The following RAB38 variants were observed in gnomAD, a reference collection of about 807,000 sequenced individuals.
RAB38 encodes the protein ras-related protein Rab-38.
Under a neutral mutation model 18.4 loss-of-function variants are expected in RAB38, and 15 were observed. The ratio of observed to expected loss-of-function variants is 0.82; its 90% confidence interval spans 0.55 to 1.26. The LOEUF (loss-of-function observed/expected upper bound fraction) is 1.26, where lower values mean the gene tolerates loss of function less well. Among genes scored for constraint, RAB38 ranks in the 50% most tolerant of loss-of-function variants. The probability of loss-of-function intolerance (pLI) is 0.00; values close to 1 mark genes in which losing one functional copy is unlikely to be tolerated. For missense variants in RAB38, 294 were observed against 267.4 expected, an observed-to-expected ratio of 1.10 and a Z score of -0.69; for synonymous variants, 101 against 104.4, an observed-to-expected ratio of 0.97 and a Z score of 0.20.
At chr11:87,842,811 C>G in the RAB38 span, among the ~76,000 whole-genome samples, 32 of 62,184 alleles carry the variant, frequency 5.1e-4, no homozygotes, top group South Asian at 0.018. Context: ...CACACACACG[C>G]GCGCGCACAC....
At chr11:88,050,620 G>T in the RAB38 span, among the ~76,000 whole-genome samples, 1 of 152,200 alleles carries the variant, frequency 6.6e-6, no homozygotes, top group Non-Finnish European at 1.5e-5. Flanking sequence ...TGACAGAATT[G>T]CTTTTTGAAA....
the RAB38 span, among the ~76,000 whole-genome samples, chr11:87,975,771 G>A: frequency 1.3e-5 from 2 of 151,528 alleles, no homozygotes; most frequent in African/African-American, 2.4e-5. Flanking sequence ...TAAAAATGTA[G>A]TAAGAGGTAT....
chr11:88,045,228 G>C, the RAB38 span, among the ~76,000 whole-genome samples: 2 of 152,016 alleles, frequency 1.3e-5, no homozygotes, highest in African/African-American at 4.8e-5. Context: ...ATTAAATAAA[G>C]CTCCAAAAAT....
At chr11:88,009,446 C>T in the RAB38 span, among the ~76,000 whole-genome samples, 1 of 152,168 alleles carries the variant, frequency 6.6e-6, no homozygotes, top group East Asian at 1.9e-4. Context: ...AGATAATCCT[C>T]AGGAGGATTC....
At chr11:88,112,593 G>C (rs191322527), downstream of RAB38, among the ~76,000 whole-genome samples, 96 of 152,238 alleles carry the variant, frequency 6.3e-4, 1 homozygote, top group African/African-American at 2.1e-3. Flanking sequence ...GCAGGATCCT[G>C]ATAAACCTCG....
the RAB38 span, among the ~76,000 whole-genome samples, chr11:87,872,483 G>A: frequency 7.3e-5 from 11 of 151,446 alleles, no homozygotes; most frequent in African/African-American, 2.2e-4. Context: ...GTTTACATTA[G>A]CGTTCACTCT....
At chr11:87,958,407 TAAGGAGATCCAAGC>T in the RAB38 span, among the ~76,000 whole-genome samples, 3 of 152,176 alleles carry the variant, frequency 2.0e-5, no homozygotes, top group African/African-American at 7.2e-5. Flanking sequence ...GCTCTGCTCT[TAAGGAGATCCAAGC>T]TAAGAAAGTC....
At chr11:87,831,976 A>G in the RAB38 span, among the ~76,000 whole-genome samples, 5 of 152,334 alleles carry the variant, frequency 3.3e-5, no homozygotes, top group Admixed American at 6.5e-5. Flanking sequence ...AATGTCTACT[A>G]TGTGCCAAAG....
chr11:88,044,169 A>G, the RAB38 span, among the ~76,000 whole-genome samples: 1 of 152,110 alleles, frequency 6.6e-6, no homozygotes, highest in Non-Finnish European at 1.5e-5. Context: ...GTGTTTAATC[A>G]TTGCAGGGAC....
chr11:88,055,735 T>G, the RAB38 span, among the ~76,000 whole-genome samples: 3 of 152,090 alleles, frequency 2.0e-5, no homozygotes, highest in African/African-American at 7.2e-5. Context: ...GTAAAAACCA[T>G]GCAGCTACCC....
At chr11:88,138,689 G>C (rs1942864281) in intron 2 of RAB38, among the ~76,000 whole-genome samples, 1 of 151,954 alleles carries the variant, frequency 6.6e-6, no homozygotes, top group Admixed American at 6.6e-5. Flanking sequence ...TATTTCATAA[G>C]GGTTTGTGAG....
At chr11:87,840,475 G>A in the RAB38 span, among the ~76,000 whole-genome samples, 4 of 152,104 alleles carry the variant, frequency 2.6e-5, no homozygotes, top group South Asian at 6.2e-4. Context: ...GTGGAATGTC[G>A]GACTACCTTT....
the RAB38 span, among the ~76,000 whole-genome samples, chr11:88,080,899 GAAAAT>G: frequency 4.0e-5 from 6 of 150,686 alleles, no homozygotes; most frequent in African/African-American, 1.5e-4. Flanking sequence ...AAAGAAAGAA[GAAAAT>G]AAAATAATAA....
At chr11:87,910,186 T>C in the RAB38 span, among the ~76,000 whole-genome samples, 2 of 152,110 alleles carry the variant, frequency 1.3e-5, no homozygotes, top group African/African-American at 2.4e-5. Flanking sequence ...TATCTTACTA[T>C]AGTTTCAATG....
At chr11:87,828,253 G>A in the RAB38 span, among the ~76,000 whole-genome samples, 6 of 151,790 alleles carry the variant, frequency 4.0e-5, no homozygotes, top group East Asian at 5.8e-4. Context: ...AAACTATTGC[G>A]TTATGTTTAA....
chr11:88,166,114 C>G (rs1245268507), intron 1 of RAB38: 3 of 152,166 alleles, frequency 2.0e-5, no homozygotes, highest in Non-Finnish European at 2.9e-5. Flanking sequence ...GCAGGGCAAG[C>G]AGGAGCAAAG....
At chr11:88,161,404 GA>G (rs1943188447) in intron 1 of RAB38, among the ~76,000 whole-genome samples, 2 of 151,952 alleles carry the variant, frequency 1.3e-5, no homozygotes, top group Non-Finnish European at 2.9e-5. Context: ...CTGACAGCTG[GA>G]ATCACTGAAT....
chr11:88,157,861 C>T (rs1211424480), intron 1 of RAB38, among the ~76,000 whole-genome samples: 1 of 151,846 alleles, frequency 6.6e-6, no homozygotes, highest in African/African-American at 2.4e-5. Context: ...TGTTAAATGG[C>T]TAATTTAAAA....
chr11:87,819,800 G>A, the RAB38 span, among the ~76,000 whole-genome samples: 7 of 143,432 alleles, frequency 4.9e-5, no homozygotes, highest in African/African-American at 1.8e-4. Flanking sequence ...ATGTGTGTGT[G>A]TATATATATA....
Sources: gnomAD v4.1 joint callset for allele counts (sites outside exome capture counted in the v4.1 genomes callset) on GRCh38, gnomAD v4.1.1 for gene constraint, MANE v1.5 for transcripts, NCBI Gene and HGNC (gene_info 2026-07-23, HGNC 2026-07-21) for gene names.